Variants in PABPC1L observed in about 807,000 individuals in gnomAD.
The protein encoded by PABPC1L is polyadenylate-binding protein 1-like.
In PABPC1L, 31 loss-of-function variants were observed where a neutral mutation model predicts 66.6. The ratio of observed to expected loss-of-function variants is 0.47; its 90% confidence interval spans 0.35 to 0.63. PABPC1L has a LOEUF of 0.63. PABPC1L is among the 20% of genes least tolerant of loss of function. PABPC1L has a pLI of 0.00. For missense variants in PABPC1L, 722 were observed against 848.8 expected, an observed-to-expected ratio of 0.85 and a Z score of 1.86; for synonymous variants, 348 against 335.1, an observed-to-expected ratio of 1.04 and a Z score of -0.42.
At position 44,912,781 on chromosome 20, in the gene PABPC1L, C is replaced by A. The variant is rs374401620; in HGVS notation, c.315C>A (p.Asn105Lys). The A allele has an allele frequency of 7.4e-6, 12 of 1,614,046 alleles. No individual in the cohort carries two copies. The highest frequency in any genetic ancestry group is 1.3e-5 in the African/African-American group (1 of 74,908). Residue 105 changes from asparagine (N) to lysine (K), a missense_variant, in exon 2 of 15, where the codon AAC (asparagine) becomes AAA (lysine). By Grantham distance (94) the Asn-to-Lys change is moderately conservative (BLOSUM62 0). Around this residue, in one of 3 missense-constraint regions of PABPC1L, gnomAD observed 284 missense variants for 294.8 expected, o/e 0.96. Transcript: ENST00000217073. ...GTGTGGGCAACATCTTCATCAAGAA[C>A]CTGGAGGACTCCATTGACAACAAGG... is the stretch of plus-strand genomic sequence containing the variant. ...KSGVGNIFIK[N>K]LEDSIDNKAL...
In PABPC1L at chr20:44,930,561, G is replaced by A. The variant is rs762078937; in HGVS notation, c.1074G>A (p.Val358=). ...KAVTEMNGRI[V]GTKPLYVALA... ...TGACAGAGATGAACGGGCGCATCGTGGGCACCAAGCCACTCTACGTGGCAC... is the reference window on the plus strand; with the variant it reads ...TGACAGAGATGAACGGGCGCATCGTAGGCACCAAGCCACTCTACGTGGCAC... The change falls in exon 8 of 15, where the codon GTG becomes GTA. Residue 358 remains valine, a synonymous_variant. Transcript: ENST00000217073. The A allele has an allele frequency of 6.2e-6, 10 of 1,614,126 alleles. No individual in the cohort carries two copies. Among genetic ancestry groups the A allele is most frequent in the Non-Finnish European group, 8.5e-6 (10 of 1,180,048 alleles).
At position 44,916,898 on chromosome 20, in the gene PABPC1L, C is replaced by T. The variant is rs777413859; in HGVS notation, c.503+27C>T. The T allele has an allele frequency of 6.6e-5, 106 of 1,602,138 alleles. No homozygotes were observed. In the Admixed American group the frequency reaches 1.6e-3, roughly 24 times the overall value. ...TGAGTGGCTGGGCCCGAGGGAGGGG[C>T]GGAGGCTGCAGGGACAGAAGCATGG... On this transcript the variant is annotated intron_variant, in intron 3 of 14. Coordinates refer to ENST00000217073, the MANE Select transcript of PABPC1L (RefSeq NM_001372179.1).
Position 44,938,659 on chromosome 20 carries a change from A to G in PABPC1L, c.1792-15A>G. The stretch of plus-strand genomic sequence containing the variant: ...GATAGCTGCACTAAGCCCCCCCGCC[A>G]CTCATGTCTCACAGATAGACGAGGC... On this transcript the variant is annotated splice_polypyrimidine_tract_variant and intron_variant, in intron 13 of 14. Coordinates refer to ENST00000217073, the MANE Select transcript of PABPC1L (RefSeq NM_001372179.1). 17 of 1,602,184 alleles carry G rather than the reference A, an allele frequency of 1.1e-5. No individual in the cohort carries two copies. The highest frequency in any genetic ancestry group is 1.4e-5 in the Non-Finnish European group (17 of 1,174,452).
In PABPC1L at chr20:44,930,741, G is replaced by T; in HGVS notation, c.1239+15G>T. ...CCATGCCCCAGGTGACGGCCTGCCC[G>T]CAACTCCCACCGCAGCCTTCCCCCC... On this transcript the variant is annotated intron_variant, in intron 8 of 14. Coordinates refer to ENST00000217073, the MANE Select transcript of PABPC1L (RefSeq NM_001372179.1). The T allele has an allele frequency of 1.2e-6, 2 of 1,608,248 alleles. No homozygotes were observed. Among genetic ancestry groups the T allele is most frequent in the South Asian group, 1.1e-5 (1 of 90,404 alleles).
chr20:44,923,077 T>C (rs2066785442), intron 6 of PABPC1L, among the ~76,000 whole-genome samples: 1 of 152,216 alleles, frequency 6.6e-6, no homozygotes, highest in Admixed American at 6.5e-5. Flanking sequence ...AATTGTGCGG[T>C]CTCTGTTCTC....
intron 3 of PABPC1L, among the ~76,000 whole-genome samples, chr20:44,917,126 C>G (rs923402807): frequency 2.6e-5 from 4 of 152,158 alleles, no homozygotes; most frequent in African/African-American, 9.7e-5. Flanking sequence ...GAGGGACTGG[C>G]TAATGGTCAT....
chr20:44,915,518 C>A (rs534273407), intron 2 of PABPC1L, among the ~76,000 whole-genome samples: 1 of 152,050 alleles, frequency 6.6e-6, no homozygotes, highest in Non-Finnish European at 1.5e-5. Flanking sequence ...AAAATTGAGG[C>A]GGGGTGCAGT....
intron 6 of PABPC1L, among the ~76,000 whole-genome samples, chr20:44,922,841 G>A (rs2066783741): frequency 6.6e-6 from 1 of 152,192 alleles, no homozygotes; most frequent in Admixed American, 6.5e-5. Flanking sequence ...GTGGGTGGTG[G>A]GGTGCTACTG....
chr20:44,913,530 C>T (rs1481400106), intron 2 of PABPC1L, among the ~76,000 whole-genome samples: 1 of 152,076 alleles, frequency 6.6e-6, no homozygotes, highest in Non-Finnish European at 1.5e-5. Flanking sequence ...AAACGATTCT[C>T]CTGCCTCAGC....
chr20:44,920,306 C>T (rs1435408267), intron 5 of PABPC1L, among the ~76,000 whole-genome samples: 1 of 152,144 alleles, frequency 6.6e-6, no homozygotes, highest in South Asian at 2.1e-4. Flanking sequence ...TCCATCTGTT[C>T]ATTCCTCCAT....
intron 9 of PABPC1L, chr20:44,932,849 C>T (rs1456769162): frequency 2.6e-5 from 15 of 575,756 alleles, no homozygotes; most frequent in South Asian, 1.2e-4. Flanking sequence ...TAGGTAGACA[C>T]GAGCTGGCTT....
At position 44,910,173 on chromosome 20, in the gene PABPC1L, T is replaced by C; in HGVS notation, c.30T>C (p.Leu10=). Residue 10 remains leucine, a synonymous_variant, in exon 1 of 15, where the codon CTT becomes CTC. Transcript: ENST00000217073. MNASGSGYP[L]ASLYVGDLHP... is the part of the protein sequence containing the mutation. ...ACGCCAGCGGTTCTGGCTACCCGCT[T>C]GCCTCGCTTTACGTGGGCGATCTGC... 1 of 1,577,070 alleles carries C rather than the reference T, an allele frequency of 6.3e-7. No homozygotes were observed. The highest frequency in any genetic ancestry group is 8.6e-7 in the Non-Finnish European group (1 of 1,161,842).
At chr20:44,938,542 G>C in intron 13 of PABPC1L, 132 bp from the exon 14 acceptor site, 1 of 1,033,648 alleles carries the variant, frequency 9.7e-7, no homozygotes, top group Non-Finnish European at 1.4e-6. Context: ...TGGTGGATGG[G>C]AGGGTTCCAC....
intron 12 of PABPC1L, 196 bp from the exon 13 acceptor site, chr20:44,937,865 T>G (rs2145585932): frequency 1.4e-6 from 1 of 703,184 alleles, no homozygotes; most frequent in East Asian, 2.9e-5. Flanking sequence ...ATTGCTGAGA[T>G]GGGCTGACCA....
Position 44,938,043 on chromosome 20 carries a change from A to G in PABPC1L, c.1661-18A>G. On this transcript the variant is annotated intron_variant, in intron 12 of 14. Transcript: ENST00000217073. The stretch of plus-strand genomic sequence containing the variant: ...TGAGCTAGGCCGTGCACAAGCCATT[A>G]GAAGGTGTTCCACACAGGGGAGCGT... 6.2e-7 allele frequency: 1 copy of G among 1,614,084 alleles called. No homozygotes were observed. The highest frequency in any genetic ancestry group is 1.1e-5 in the South Asian group (1 of 91,076).
rs537028208 is a variant in PABPC1L, at chr20:44,910,266, C to T, written c.123C>T (p.Arg41=). The change falls in exon 1 of 15, where the codon CGC becomes CGT. Residue 41 remains arginine (R), a synonymous_variant. Transcript: ENST00000217073. ...FSPAGPILSI[R]VCRDVATRRS... ...CCGCCGGCCCCATCCTGTCCATCCG[C>T]GTGTGCCGCGATGTAGCCACCCGGC... 3.9e-6 allele frequency: 6 copies of T among 1,557,046 alleles called. No homozygotes were observed. The highest frequency in any genetic ancestry group is 2.4e-5 in the East Asian group (1 of 40,864).
At position 44,939,162 on chromosome 20, in the gene PABPC1L, C is replaced by A; in HGVS notation, c.*43C>A. On this transcript the variant is annotated 3_prime_UTR_variant, in exon 15 of 15. Transcript: ENST00000217073. ...CTCGCTTCCATGGCTGCCAAAAGGA[C>A]AGTGTTTCTGGCTCTCAGCCCTAAG... 2 of 718,076 alleles carry A rather than the reference C, an allele frequency of 2.8e-6. No individual in the cohort carries two copies. Among genetic ancestry groups the A allele is most frequent in the Non-Finnish European group, 5.2e-6 (2 of 385,226 alleles). The allele number at this position is 718,076 out of a possible 1,614,324, so 44.5% of individuals were successfully genotyped here.
In PABPC1L at chr20:44,930,641, G is replaced by A. The variant is rs767814650; in HGVS notation, c.1154G>A (p.Arg385His). 5.6e-6 allele frequency: 9 copies of A among 1,614,074 alleles called. No individual in the cohort carries two copies. The East Asian group carries it at 1.1e-4, about 20-fold the overall frequency. Residue 385 changes from arginine to histidine, a missense_variant, in exon 8 of 15, where the codon CGC becomes CAC. Physicochemically the swap from Arg to His is conservative, Grantham distance 29. Transcript: ENST00000217073. ...KAILTNQYMQ[R>H]LSTMRTLSNP... Reference sequence around the variant, plus strand: ...ATCTTGACCAACCAGTACATGCAGCGCCTCTCCACCATGCGGACCCTGAGC... The same window carrying A: ...ATCTTGACCAACCAGTACATGCAGCACCTCTCCACCATGCGGACCCTGAGC...
chr20:44,917,499 C>T (rs550496916), intron 3 of PABPC1L, among the ~76,000 whole-genome samples: 25 of 152,012 alleles, frequency 1.6e-4, no homozygotes, highest in Non-Finnish European at 2.9e-4. Flanking sequence ...AGCTACTGCG[C>T]CTGACTTTTT....
Sources: gnomAD v4.1 joint callset for allele counts (sites outside exome capture counted in the v4.1 genomes callset) on GRCh38, gnomAD v4.1.1 for gene constraint, gnomAD v4.1.1 regional missense constraint, MANE v1.5 for transcripts, NCBI Gene and HGNC (gene_info 2026-07-23, HGNC 2026-07-21) for gene names.